PRKN: variants seen among roughly 807,000 people sequenced by gnomAD.
PRKN encodes parkin RBR E3 ubiquitin protein ligase, also known as E3 ubiquitin-protein ligase parkin.
PRKN carries 56 observed loss-of-function variants against 59.5 expected under a neutral mutation model. The observed-to-expected ratio is 0.94, with a 90% CI of 0.76 to 1.18. PRKN has a LOEUF of 1.18. Ranked by LOEUF, PRKN falls within the 50% of genes most tolerant of loss-of-function variation. The pLI is 0.00. For missense variants in PRKN, 657 were observed against 596.4 expected (o/e 1.10, Z -1.06); for synonymous variants, 250 against 222.1 (o/e 1.13, Z -1.12).
intron 2 of PRKN, among the ~76,000 whole-genome samples, chr6:162,355,222 T>C (rs976740792): frequency 1.5e-4 from 22 of 151,014 alleles, no homozygotes; most frequent in African/African-American, 5.4e-4. Flanking sequence ...TGTTTGAAAT[T>C]ATGTTCTAGG....
intron 3 of PRKN, among the ~76,000 whole-genome samples, chr6:162,246,175 C>G (rs1779184018): frequency 1.3e-5 from 2 of 152,130 alleles, no homozygotes; most frequent in South Asian, 4.1e-4. Context: ...TAACCCCCAG[C>G]ACCTCCTAAT....
intron 2 of PRKN, among the ~76,000 whole-genome samples, chr6:162,339,014 G>A (rs1483404705): frequency 1.3e-5 from 2 of 148,654 alleles, no homozygotes. Flanking sequence ...CCCTCTGCCC[G>A]GCAACCACCC....
chr6:162,013,339 T>G (rs1782808655), intron 5 of PRKN, among the ~76,000 whole-genome samples: 1 of 152,138 alleles, frequency 6.6e-6, no homozygotes, highest in African/African-American at 2.4e-5. Flanking sequence ...ACGTCCTCAC[T>G]GTTACATGCA....
intron 1 of PRKN, among the ~76,000 whole-genome samples, chr6:162,688,863 C>T (rs1247870367): frequency 6.6e-6 from 1 of 152,084 alleles, no homozygotes; most frequent in East Asian, 1.9e-4. Context: ...TGTGTTTTTA[C>T]TTTTTTCCCC....
At chr6:161,804,099 G>C (rs1791208335) in intron 6 of PRKN, among the ~76,000 whole-genome samples, 1 of 152,196 alleles carries the variant, frequency 6.6e-6, no homozygotes, top group African/African-American at 2.4e-5. Flanking sequence ...CTCAGGGACA[G>C]GTTTCAATGT....
chr6:162,346,013 C>T (rs1485280670), intron 2 of PRKN, among the ~76,000 whole-genome samples: 1 of 152,140 alleles, frequency 6.6e-6, no homozygotes, highest in Non-Finnish European at 1.5e-5. Context: ...CTGGCATGCT[C>T]TTGCCCTCTG....
At chr6:162,634,418 C>G (rs1267209715) in intron 1 of PRKN, among the ~76,000 whole-genome samples, 1 of 152,160 alleles carries the variant, frequency 6.6e-6, no homozygotes, top group East Asian at 1.9e-4. Flanking sequence ...ACTCAAACCA[C>G]AGCTGCTAGG....
At chr6:161,406,393 C>T (rs776728520) in intron 9 of PRKN, among the ~76,000 whole-genome samples, 15 of 152,008 alleles carry the variant, frequency 9.9e-5, no homozygotes, top group African/African-American at 2.9e-4. Context: ...CCACCAAAAA[C>T]GTAAGGTGGT....
chr6:162,390,889 G>A (rs1024024082), intron 2 of PRKN, among the ~76,000 whole-genome samples: 10 of 152,086 alleles, frequency 6.6e-5, no homozygotes. Context: ...AGTTAAATAA[G>A]AAGAAATCTT....
Position 161,971,185 on chromosome 6 carries a change from T to C in PRKN, c.734+2117A>G, listed in dbSNP as rs375750105. Among the ~76,000 whole-genome samples the C allele has an allele frequency of 3.9e-5, 6 of 152,300 alleles. No individual in the cohort carries two copies. In the South Asian group the frequency reaches 1.2e-3, roughly 32 times the overall value. ...GTGACAATATTATTTTTCCAGCAAT[T>C]ATCACCCTGTGTATCTGGGAAGTAA... On this transcript the variant is annotated intron_variant, in intron 6 of 11. Coordinates refer to ENST00000366898, the MANE Select transcript of PRKN (RefSeq NM_004562.3).
At chr6:162,275,783 C>A (rs1481994974) in intron 2 of PRKN, among the ~76,000 whole-genome samples, 1 of 143,408 alleles carries the variant, frequency 7.0e-6, no homozygotes, top group Non-Finnish European at 1.5e-5. Flanking sequence ...GAAAATCCGT[C>A]TCAAAAAAAA....
chr6:162,641,184 C>G (rs1449741432), intron 1 of PRKN, among the ~76,000 whole-genome samples: 1 of 152,106 alleles, frequency 6.6e-6, no homozygotes, highest in Non-Finnish European at 1.5e-5. Context: ...TGACAACTAT[C>G]TTCATACAGT....
chr6:162,175,436 G>A (rs1442623562), intron 4 of PRKN, among the ~76,000 whole-genome samples: 1 of 152,188 alleles, frequency 6.6e-6, no homozygotes, highest in Non-Finnish European at 1.5e-5. Flanking sequence ...AATAGCTATA[G>A]GATATAAGTA....
chr6:162,170,480 C>T (rs540950614), intron 4 of PRKN, among the ~76,000 whole-genome samples: 53 of 152,234 alleles, frequency 3.5e-4, no homozygotes, highest in African/African-American at 1.2e-3. Flanking sequence ...AAACAAAATA[C>T]AGTAAAGGAA....
chr6:161,926,403 C>T (rs1339488785), intron 6 of PRKN, among the ~76,000 whole-genome samples: 1 of 152,178 alleles, frequency 6.6e-6, no homozygotes, highest in Non-Finnish European at 1.5e-5. Context: ...TCATCTCCCT[C>T]ACTTGACTTA....
chr6:162,436,136 A>G, intron 2 of PRKN, among the ~76,000 whole-genome samples: 1 of 124,664 alleles, frequency 8.0e-6, no homozygotes, highest in South Asian at 2.8e-4. Context: ...AGATCATGCT[A>G]TTGCACTCCA....
At chr6:162,550,902 A>G (rs932551823) in intron 1 of PRKN, among the ~76,000 whole-genome samples, 10 of 152,094 alleles carry the variant, frequency 6.6e-5, no homozygotes, top group Non-Finnish European at 1.5e-4. Flanking sequence ...TGGTGAGAAG[A>G]CTATTGCTAG....
At chr6:162,331,723 G>T (rs1395899152) in intron 2 of PRKN, among the ~76,000 whole-genome samples, 1 of 152,084 alleles carries the variant, frequency 6.6e-6, no homozygotes, top group Non-Finnish European at 1.5e-5. Flanking sequence ...TCTAGACCCT[G>T]CCTTTTCTAG....
intron 1 of PRKN, among the ~76,000 whole-genome samples, chr6:162,672,578 T>C (rs1360433730): frequency 6.6e-6 from 1 of 152,138 alleles, no homozygotes; most frequent in African/African-American, 2.4e-5. Context: ...TAAAAACAAA[T>C]ACTCATTTAT....
Sources: gnomAD v4.1 joint callset for allele counts (sites outside exome capture counted in the v4.1 genomes callset) on GRCh38, gnomAD v4.1.1 for gene constraint, MANE v1.5 for transcripts, NCBI Gene and HGNC (gene_info 2026-07-23, HGNC 2026-07-21) for gene names.